The following RPS6KC1 variants were observed in gnomAD, a reference collection of about 807,000 sequenced individuals.
RPS6KC1 encodes ribosomal protein S6 kinase C1.
In RPS6KC1, 54 loss-of-function variants were observed where a neutral mutation model predicts 103.8. That is an observed-to-expected ratio of 0.52 (90% CI 0.42 to 0.65). RPS6KC1 has a LOEUF of 0.65. RPS6KC1 is among the 30% of genes least tolerant of loss of function. The pLI is 0.00. For synonymous variants in RPS6KC1, 439 were observed against 438.7 expected (o/e 1.00, Z -0.01); for missense variants, 1,151 against 1,253.8 (o/e 0.92, Z 1.24).
the RPS6KC1 span, among the ~76,000 whole-genome samples, chr1:213,744,011 A>G: frequency 6.6e-6 from 1 of 152,192 alleles, no homozygotes; most frequent in Non-Finnish European, 1.5e-5. Context: ...CATTATTCTA[A>G]GTGAAGTGAC....
At chr1:213,363,617 GCTTGCTTGCTTTCTTT>G in the RPS6KC1 span, among the ~76,000 whole-genome samples, 622 of 89,308 alleles carry the variant, frequency 7.0e-3, 4 homozygotes, top group South Asian at 0.016. Flanking sequence ...TTGCTTGCTT[GCTTGCTTGCTTTCTTT>G]CTTTCTTTCT....
chr1:213,783,636 C>T, the RPS6KC1 span, among the ~76,000 whole-genome samples: 1 of 149,568 alleles, frequency 6.7e-6, no homozygotes, highest in African/African-American at 2.5e-5. Context: ...TTACTGTTGT[C>T]GTCTTATCAA....
chr1:213,528,652 C>T, the RPS6KC1 span, among the ~76,000 whole-genome samples: 2 of 152,174 alleles, frequency 1.3e-5, no homozygotes, highest in African/African-American at 4.8e-5. Context: ...TCTTTTCATG[C>T]CTTAGTAGCA....
chr1:213,480,042 A>G, the RPS6KC1 span, among the ~76,000 whole-genome samples: 3 of 151,978 alleles, frequency 2.0e-5, no homozygotes, highest in African/African-American at 4.8e-5. Context: ...GATTTTTCAT[A>G]GAGGAATCTT....
chr1:213,255,780 A>G (rs2094628490), intron 12 of RPS6KC1, among the ~76,000 whole-genome samples: 1 of 152,226 alleles, frequency 6.6e-6, no homozygotes, highest in Non-Finnish European at 1.5e-5. Flanking sequence ...AAATTCTACA[A>G]CTGCTTACCT....
In RPS6KC1 at chr1:213,077,797, T is replaced by G. The variant is rs1401130849; in HGVS notation, c.243T>G (p.Phe81Leu). ...GACATTCAGAGTTGTTTCCTCCATT[T>G]GCTAAAGGAATAGTGTTTGGTAAGT... Reference protein sequence around the residue: ...LFRHSELFPPFAKGIVFGRFD... With the variant: ...LFRHSELFPPLAKGIVFGRFD... Residue 81 changes from phenylalanine to leucine, a missense_variant, in exon 3 of 15, where the codon TTT becomes TTG. This residue lies in a region of RPS6KC1 where 959 missense variants were observed against 1,006.3 expected (regional missense o/e 0.95). Coordinates refer to ENST00000366960, the MANE Select transcript of RPS6KC1 (RefSeq NM_012424.6). The G allele has an allele frequency of 6.4e-7, 1 of 1,561,494 alleles. No individual in the cohort carries two copies. The highest frequency in any genetic ancestry group is 1.8e-5 in the Admixed American group (1 of 55,504).
the RPS6KC1 span, among the ~76,000 whole-genome samples, chr1:213,639,342 G>A: frequency 6.6e-6 from 1 of 151,922 alleles, no homozygotes; most frequent in Non-Finnish European, 1.5e-5. Flanking sequence ...CCTTTTACTT[G>A]CATTATTGCA....
the RPS6KC1 span, among the ~76,000 whole-genome samples, chr1:213,571,401 T>C: frequency 1.4e-4 from 21 of 152,230 alleles, no homozygotes; most frequent in Non-Finnish European, 1.8e-4. Context: ...GGCCTTGAGT[T>C]GTCAGCATTT....
chr1:213,397,220 A>G, the RPS6KC1 span, among the ~76,000 whole-genome samples: 1 of 152,102 alleles, frequency 6.6e-6, no homozygotes, highest in Non-Finnish European at 1.5e-5. Context: ...CAGGCGACCC[A>G]ACTCTGACAT....
chr1:213,075,723 T>C (rs1002615450), intron 2 of RPS6KC1, among the ~76,000 whole-genome samples: 7 of 151,356 alleles, frequency 4.6e-5, no homozygotes, highest in Admixed American at 3.3e-4. Context: ...TTATTTATCA[T>C]TTTAGGCAAA....
Position 213,167,957 on chromosome 1 carries a change from T to C in RPS6KC1, c.935T>C (p.Leu312Pro), listed in dbSNP as rs1484465576. 6.2e-7 allele frequency: 1 copy of C among 1,609,922 alleles called. No homozygotes were observed. The highest frequency in any genetic ancestry group is 8.5e-7 in the Non-Finnish European group (1 of 1,176,360). ...TCTAGTCTTTATGGGAAACCTCAGC[T>C]TGATGATGTATCTCAGGTATGTCTC... ...SISSLYGKPQ[L>P]DDVSQPPGSL... The change falls in exon 7 of 15, where the codon CTT becomes CCT. Residue 312 changes from leucine (L) to proline (P), a missense_variant. Physicochemically the swap from Leu to Pro is moderately conservative, Grantham distance 98. Around this residue, in one of 3 missense-constraint regions of RPS6KC1, gnomAD observed 959 missense variants for 1,006.3 expected, o/e 0.95. Transcript: ENST00000366960.
Position 213,240,805 on chromosome 1 carries a change from G to A in RPS6KC1, c.1329G>A (p.Leu443=), listed in dbSNP as rs1188487848. 27 of 1,613,892 alleles carry A rather than the reference G, an allele frequency of 1.7e-5. No individual in the cohort carries two copies. Among genetic ancestry groups the A allele is most frequent in the Non-Finnish European group, 2.2e-5 (26 of 1,179,866 alleles). Residue 443 remains leucine (L), a synonymous_variant, in exon 11 of 15, where the codon CTG becomes CTA. Transcript: ENST00000366960. ...AACCTACACTTGCAAAAGTTCACCT[G>A]CAGCAGCCAACTTCTAGTCCTCAGG... The part of the protein sequence containing the change: ...VKKPTLAKVH[L]QQPTSSPQDS...
the RPS6KC1 span, among the ~76,000 whole-genome samples, chr1:213,305,818 C>A: frequency 3.3e-5 from 5 of 152,330 alleles, no homozygotes; most frequent in East Asian, 9.6e-4. Context: ...GTGCCCTCTC[C>A]ATTTCCACCT....
At chr1:213,729,639 C>G in the RPS6KC1 span, among the ~76,000 whole-genome samples, 1 of 152,164 alleles carries the variant, frequency 6.6e-6, no homozygotes, top group Non-Finnish European at 1.5e-5. Context: ...GTGAACAGAT[C>G]ATGAAGTCCA....
chr1:213,071,201 C>T (rs1184033326), intron 2 of RPS6KC1, among the ~76,000 whole-genome samples, 160 bp downstream of exon 2: 1 of 152,184 alleles, frequency 6.6e-6, no homozygotes, highest in Non-Finnish European at 1.5e-5. Flanking sequence ...GCAATCTCGG[C>T]TCACTGCAAC....
the RPS6KC1 span, among the ~76,000 whole-genome samples, chr1:213,705,948 T>C: frequency 6.6e-6 from 1 of 152,190 alleles, no homozygotes. Context: ...TAGCTGAGCA[T>C]GTATCCAAGA....
At chr1:213,529,968 C>T in the RPS6KC1 span, among the ~76,000 whole-genome samples, 1 of 152,000 alleles carries the variant, frequency 6.6e-6, no homozygotes, top group Non-Finnish European at 1.5e-5. Flanking sequence ...CTTTGGGGGC[C>T]CACATTCTAT....
At chr1:213,811,699 C>T in the RPS6KC1 span, among the ~76,000 whole-genome samples, 1 of 152,160 alleles carries the variant, frequency 6.6e-6, no homozygotes, top group East Asian at 1.9e-4. Flanking sequence ...AGTTCCCTGT[C>T]ATCCAGTTTT....
At chr1:213,220,568 G>T (rs112335585) in intron 8 of RPS6KC1, among the ~76,000 whole-genome samples, 6,214 of 152,182 alleles carry the variant, frequency 0.041, 195 homozygotes, top group African/African-American at 0.084. Flanking sequence ...TCAGCAATCT[G>T]CCCGCCTCAG....
Sources: allele counts gnomAD v4.1 joint callset (sites outside exome capture counted in the v4.1 genomes callset), GRCh38; gene constraint gnomAD v4.1.1; regional missense constraint gnomAD v4.1.1; transcripts MANE v1.5; gene names NCBI Gene and HGNC (gene_info 2026-07-23, HGNC 2026-07-21).